The following MSRA variants were observed in gnomAD, a reference collection of about 807,000 sequenced individuals.
MSRA encodes the protein methionine sulfoxide reductase A.
A neutral mutation model predicts 31.3 loss-of-function variants in MSRA; 54 were observed. The ratio of observed to expected loss-of-function variants is 1.73; its 90% CI spans 1.39 to 2.17. MSRA has a LOEUF of 2.17. Ranked by LOEUF, MSRA falls within the 30% of genes most tolerant of loss-of-function variation. MSRA has a pLI of 0.00. For synonymous variants in MSRA, 169 were observed against 116.5 expected (o/e 1.45, Z -2.90); for missense variants, 507 against 300.9 (o/e 1.69, Z -5.07).
intron 2 of MSRA, among the ~76,000 whole-genome samples, chr8:10,218,681 C>A (rs1485008383): frequency 6.6e-6 from 1 of 152,224 alleles, no homozygotes; most frequent in South Asian, 2.1e-4. Flanking sequence ...CTCCATGTAT[C>A]TGAGCATGGC....
At chr8:10,286,499 A>G (rs1563310933) in intron 3 of MSRA, among the ~76,000 whole-genome samples, 1 of 152,246 alleles carries the variant, frequency 6.6e-6, no homozygotes, top group Non-Finnish European at 1.5e-5. Flanking sequence ...TTCCCCAGCC[A>G]TGTGGAACTG....
At chr8:10,159,506 T>G (rs1365134633) in intron 1 of MSRA, among the ~76,000 whole-genome samples, 1 of 152,242 alleles carries the variant, frequency 6.6e-6, no homozygotes, top group African/African-American at 2.4e-5. Context: ...GTGATGCTTT[T>G]GCCCTTTTAG....
intron 5 of MSRA, among the ~76,000 whole-genome samples, chr8:10,335,110 G>T (rs372682874): frequency 6.6e-6 from 1 of 152,304 alleles, no homozygotes; most frequent in Admixed American, 6.5e-5. Context: ...CGCACCGTGC[G>T]CCCCACCCAG....
rs141548526 is a variant in MSRA, at chr8:10,278,707, C to T, written c.332-22827C>T. ...AGAGATGAGAGATAGAGCTCTACCT[C>T]CCTGTGGTGACATGGTAACTCCTAG... is the stretch of plus-strand genomic sequence containing the variant. On this transcript the variant is annotated intron_variant, in intron 3 of 5. Transcript: ENST00000317173. Among the ~76,000 whole-genome samples, 195 of 152,314 alleles carry T rather than the reference C, an allele frequency of 1.3e-3. 1 individual carries two copies. The highest frequency in any genetic ancestry group is 2.4e-3 in the Non-Finnish European group (162 of 68,036).
At chr8:10,415,767 C>T (rs1391515917) in intron 5 of MSRA, among the ~76,000 whole-genome samples, 1 of 151,896 alleles carries the variant, frequency 6.6e-6, no homozygotes, top group African/African-American at 2.4e-5. Flanking sequence ...AACCCCCAGC[C>T]TCCATGTGTT....
intron 5 of MSRA, among the ~76,000 whole-genome samples, chr8:10,403,461 C>T (rs1197749031): frequency 6.6e-6 from 1 of 152,204 alleles, no homozygotes; most frequent in African/African-American, 2.4e-5. Flanking sequence ...TTCATGGGTC[C>T]TGGATGGCTA....
chr8:10,193,200 G>A (rs1163752398), intron 1 of MSRA, among the ~76,000 whole-genome samples: 2 of 152,094 alleles, frequency 1.3e-5, no homozygotes, highest in Admixed American at 6.5e-5. Flanking sequence ...AGAATTCTAG[G>A]GTCTTATTCA....
chr8:10,149,627 T>G (rs1184594518), intron 1 of MSRA, among the ~76,000 whole-genome samples: 2 of 152,076 alleles, frequency 1.3e-5, no homozygotes, highest in Non-Finnish European at 2.9e-5. Flanking sequence ...GTTTTCACTG[T>G]ATTAATTGTG....
At chr8:10,425,524 C>T (rs546723325) in intron 5 of MSRA, among the ~76,000 whole-genome samples, 3 of 152,360 alleles carry the variant, frequency 2.0e-5, no homozygotes, top group South Asian at 4.1e-4. Flanking sequence ...AGAGAATCTT[C>T]TGGAGACCGC....
In MSRA at chr8:10,333,385, T is replaced by TCAC. The variant is rs1482547234; in HGVS notation, c.543+13396_543+13397insCAC. Among the ~76,000 whole-genome samples, 3 of 152,218 alleles carry TCAC rather than the reference T, an allele frequency of 2.0e-5. No individual in the cohort carries two copies. The East Asian group carries it at 5.8e-4, about 29-fold the overall frequency. ...GAAGCCCACAATTTCCTGAAGGTGA[T>TCAC]GGCTGAGGTGAAGAGCAGGAAATGG... On this transcript the variant is annotated intron_variant, in intron 5 of 5. Transcript: ENST00000317173.
At chr8:10,343,813 A>G (rs1362164923) in intron 5 of MSRA, among the ~76,000 whole-genome samples, 1 of 152,256 alleles carries the variant, frequency 6.6e-6, no homozygotes, top group Non-Finnish European at 1.5e-5. Context: ...AGATTTTAAA[A>G]TAATCTCTTA....
intron 1 of MSRA, among the ~76,000 whole-genome samples, chr8:10,067,792 T>A (rs984069786): frequency 6.6e-6 from 1 of 152,156 alleles, no homozygotes; most frequent in Non-Finnish European, 1.5e-5. Flanking sequence ...TTCCTGAGCT[T>A]ATTTGCCATA....
At chr8:10,226,446 A>G (rs1811007182) in intron 2 of MSRA, among the ~76,000 whole-genome samples, 1 of 152,130 alleles carries the variant, frequency 6.6e-6, no homozygotes, top group Non-Finnish European at 1.5e-5. Context: ...CCACATCCAT[A>G]TGTCCTACAT....
intron 1 of MSRA, among the ~76,000 whole-genome samples, chr8:10,068,015 C>G (rs1166103732): frequency 6.6e-6 from 1 of 150,758 alleles, no homozygotes; most frequent in East Asian, 2.0e-4. Flanking sequence ...TCCTGGGTAG[C>G]TGGGACTACA....
At chr8:10,217,925 C>T (rs995299379) in intron 2 of MSRA, among the ~76,000 whole-genome samples, 1 of 152,086 alleles carries the variant, frequency 6.6e-6, no homozygotes, top group Non-Finnish European at 1.5e-5. Context: ...ACCCTTCTTT[C>T]TCTCTTTCCC....
At chr8:10,272,255 A>G (rs999100142) in intron 3 of MSRA, among the ~76,000 whole-genome samples, 1 of 152,220 alleles carries the variant, frequency 6.6e-6, no homozygotes, top group South Asian at 2.1e-4. Flanking sequence ...TTAATGTATT[A>G]TAAAGAATTG....
At position 10,133,869 on chromosome 8, in the gene MSRA, C is replaced by T. The variant is rs138734100; in HGVS notation, c.143-73964C>T. Among the ~76,000 whole-genome samples, 480 of 152,124 alleles carry T rather than the reference C, an allele frequency of 3.2e-3. 4 individuals are homozygous for T. Among genetic ancestry groups the T allele is most frequent in the Non-Finnish European group, 4.2e-3 (285 of 67,986 alleles). The stretch of plus-strand genomic sequence containing the variant: ...TTTTTGAGATGGAGTCTCGCTCTGT[C>T]GCCCAGGCTGGAGTGCAGTGTCACA... On this transcript the variant is annotated intron_variant, in intron 1 of 5. Coordinates refer to ENST00000317173, the MANE Select transcript of MSRA (RefSeq NM_012331.5).
In MSRA at chr8:10,098,942, C is replaced by G. The variant is rs1585141686; in HGVS notation, c.142+44284C>G. Among the ~76,000 whole-genome samples, 7 of 152,242 alleles carry G rather than the reference C, an allele frequency of 4.6e-5. No homozygotes were observed. The South Asian group carries it at 1.5e-3, about 32-fold the overall frequency. On this transcript the variant is annotated intron_variant, in intron 1 of 5. Transcript: ENST00000317173. ...CTGTTTATGTGGGATTTTTTTCTTT[C>G]CTTTGTTTTCTGTTGTGAGACAAAG...
chr8:10,324,357 G>A (rs893929915), intron 5 of MSRA, among the ~76,000 whole-genome samples: 2 of 152,166 alleles, frequency 1.3e-5, no homozygotes, highest in Non-Finnish European at 2.9e-5. Flanking sequence ...CATTGTAGAG[G>A]GGTGGAGCAT....
Sources: allele counts gnomAD v4.1 joint callset (sites outside exome capture counted in the v4.1 genomes callset), GRCh38; gene constraint gnomAD v4.1.1; transcripts MANE v1.5; gene names NCBI Gene and HGNC (gene_info 2026-07-23, HGNC 2026-07-21).